Variants in GPHN observed in about 807,000 individuals in gnomAD.
GPHN encodes gephyrin.
Under a neutral mutation model 95.5 loss-of-function variants are expected in GPHN, and 17 were observed. The ratio of observed to expected loss-of-function variants is 0.18; its 90% CI spans 0.12 to 0.27. The LOEUF (loss-of-function observed/expected upper bound fraction) is 0.27, where lower values mean the gene tolerates loss of function less well. Ranked by LOEUF, GPHN falls within the 10% of genes least tolerant of loss-of-function variation. GPHN has a pLI of 1.00. For synonymous variants in GPHN, 320 were observed against 322.5 expected (o/e 0.99, Z 0.08); for missense variants, 660 against 978.1 (o/e 0.67, Z 4.34).
At chr14:66,574,094 C>G (rs2060810116) in intron 1 of GPHN, among the ~76,000 whole-genome samples, 1 of 152,154 alleles carries the variant, frequency 6.6e-6, no homozygotes, top group Non-Finnish European at 1.5e-5. Context: ...TTCTTATATT[C>G]TGGCTGGCTT....
chr14:67,114,672 A>C (rs1293998216), intron 16 of GPHN, among the ~76,000 whole-genome samples: 1 of 152,222 alleles, frequency 6.6e-6, no homozygotes, highest in Non-Finnish European at 1.5e-5. Flanking sequence ...CCTGGGTGAC[A>C]GAGTGAGACC....
At chr14:67,579,939 A>C in the GPHN span, 14 of 1,466,014 alleles carry the variant, frequency 9.5e-6, no homozygotes, top group South Asian at 1.2e-5. Context: ...TGGTGGGGAA[A>C]GAGCCCATCT....
chr14:66,665,769 T>C (rs2153380187), intron 1 of GPHN, among the ~76,000 whole-genome samples: 1 of 152,330 alleles, frequency 6.6e-6, no homozygotes, highest in East Asian at 1.9e-4. Context: ...CAAAGGATTA[T>C]AAATCATGCT....
At chr14:66,721,509 T>C (rs2070736241) in intron 2 of GPHN, among the ~76,000 whole-genome samples, 1 of 152,218 alleles carries the variant, frequency 6.6e-6, no homozygotes, top group African/African-American at 2.4e-5. Context: ...TCAGTTCTTA[T>C]TTGACAGTAC....
At chr14:66,541,953 C>T (rs1216467357) in intron 1 of GPHN, among the ~76,000 whole-genome samples, 1 of 152,168 alleles carries the variant, frequency 6.6e-6, no homozygotes, top group African/African-American at 2.4e-5. Context: ...TGATAATTAA[C>T]GTATTGATCT....
chr14:67,455,835 GAT>G, the GPHN span, among the ~76,000 whole-genome samples: 5 of 152,190 alleles, frequency 3.3e-5, no homozygotes, highest in Admixed American at 6.5e-5. Context: ...AGCAGTGAAA[GAT>G]ATGATCCCTA....
At chr14:67,053,672 T>C (rs1308430854) in intron 10 of GPHN, among the ~76,000 whole-genome samples, 2 of 152,102 alleles carry the variant, frequency 1.3e-5, no homozygotes, top group Admixed American at 1.3e-4. Context: ...AAAGAAAACT[T>C]CAGGCCAATA....
At chr14:67,430,194 C>T in the GPHN span, among the ~76,000 whole-genome samples, 1 of 152,196 alleles carries the variant, frequency 6.6e-6, no homozygotes, top group African/African-American at 2.4e-5. Context: ...CTCCACAAAA[C>T]CACAGAGCTT....
chr14:67,392,145 G>A, the GPHN span, among the ~76,000 whole-genome samples: 5 of 152,218 alleles, frequency 3.3e-5, no homozygotes, highest in Non-Finnish European at 7.3e-5. Flanking sequence ...GTGTGTGAGT[G>A]TGGGCATATG....
At chr14:67,442,722 C>G in the GPHN span, among the ~76,000 whole-genome samples, 2 of 152,214 alleles carry the variant, frequency 1.3e-5, no homozygotes, top group African/African-American at 4.8e-5. Flanking sequence ...GGCAAACAGC[C>G]TTGTAAACAA....
At chr14:67,589,342 A>C in the GPHN span, 9 of 981,970 alleles carry the variant, frequency 9.2e-6, no homozygotes, top group Non-Finnish European at 9.7e-6. Flanking sequence ...CTTTGTTAAC[A>C]TGAGAGTCCC....
At chr14:67,578,398 G>T in the GPHN span, 1 of 770,630 alleles carries the variant, frequency 1.3e-6, no homozygotes, top group Non-Finnish European at 2.2e-6. The surrounding 1 kb of genome is among the most constrained non-coding windows in gnomAD (Gnocchi z 5.0). Flanking sequence ...TGACCAAGTT[G>T]GCCATCCCAG....
intron 2 of GPHN, among the ~76,000 whole-genome samples, chr14:66,706,194 C>T (rs532307286): frequency 6.6e-6 from 1 of 152,112 alleles, no homozygotes; most frequent in East Asian, 1.9e-4. Context: ...ATTCCATGCT[C>T]ATGGATAGGA....
At chr14:67,149,064 G>T (rs1012510702) in intron 18 of GPHN, among the ~76,000 whole-genome samples, 3 of 151,898 alleles carry the variant, frequency 2.0e-5, no homozygotes, top group Non-Finnish European at 4.4e-5. Context: ...AAATTACTGG[G>T]CTGGGCGTGT....
At chr14:67,030,430 T>A (rs1430891521) in intron 10 of GPHN, among the ~76,000 whole-genome samples, 1 of 152,172 alleles carries the variant, frequency 6.6e-6, no homozygotes, top group Non-Finnish European at 1.5e-5. Context: ...ATTATTCTTG[T>A]GTAAAGGCCC....
intron 9 of GPHN, chr14:66,996,349 C>G: frequency 1.5e-6 from 1 of 646,780 alleles, no homozygotes; most frequent in South Asian, 1.8e-5. Context: ...GATGAGGATA[C>G]CAAAGGGGGA....
intron 9 of GPHN, among the ~76,000 whole-genome samples, chr14:66,977,711 A>G (rs2070353772): frequency 6.6e-6 from 1 of 152,220 alleles, no homozygotes; most frequent in African/African-American, 2.4e-5. Flanking sequence ...AAAATTAGTA[A>G]ACAATACTGT....
chr14:66,547,132 G>A (rs976236304), intron 1 of GPHN, among the ~76,000 whole-genome samples: 1 of 152,104 alleles, frequency 6.6e-6, no homozygotes, highest in Non-Finnish European at 1.5e-5. Flanking sequence ...AACAGAGGTG[G>A]TGGGAAGAAT....
At chr14:67,592,478 C>T in the GPHN span, 1 of 578,130 alleles carries the variant, frequency 1.7e-6, no homozygotes, top group South Asian at 2.3e-5. Context: ...TTAAGGAATA[C>T]ATTTGCCTCA....
Sources: allele counts gnomAD v4.1 joint callset (sites outside exome capture counted in the v4.1 genomes callset), GRCh38; gene constraint gnomAD v4.1.1; non-coding constraint Gnocchi (gnomAD v3.1); transcripts MANE v1.5; gene names NCBI Gene and HGNC (gene_info 2026-07-23, HGNC 2026-07-21).